ESR1: variants seen among roughly 807,000 people sequenced by gnomAD.
ESR1 encodes the protein estrogen receptor 1.
Under a neutral mutation model 52.7 loss-of-function variants are expected in ESR1, and 12 were observed. That is an observed-to-expected ratio of 0.23 (90% confidence interval 0.15 to 0.37). The LOEUF (loss-of-function observed/expected upper bound fraction) is 0.37, where lower values mean the gene tolerates loss of function less well. ESR1 is among the 10% of genes least tolerant of loss of function. The probability of loss-of-function intolerance (pLI) is 1.00; values close to 1 mark genes in which losing one functional copy is unlikely to be tolerated. For synonymous variants in ESR1, 305 were observed against 316.8 expected (o/e 0.96, Z 0.39); for missense variants, 584 against 779.7 (o/e 0.75, Z 2.99).
chr6:151,778,296 GAAT>G (rs371833817), intron 2 of ESR1, among the ~76,000 whole-genome samples: 13,199 of 152,110 alleles, frequency 0.087, 682 homozygotes, highest in African/African-American at 0.1. Flanking sequence ...GGATGATGAA[GAAT>G]TTCTGGAGAT....
At chr6:152,109,962 GA>G (rs2152513324) in intron 6 of ESR1, among the ~76,000 whole-genome samples, 1 of 152,308 alleles carries the variant, frequency 6.6e-6, no homozygotes, top group Non-Finnish European at 1.5e-5. Flanking sequence ...TTTCTACTGT[GA>G]GACAGCATAC....
At chr6:151,861,903 TAAC>T (rs1788966344) in intron 2 of ESR1, among the ~76,000 whole-genome samples, 1 of 152,168 alleles carries the variant, frequency 6.6e-6, no homozygotes, top group African/African-American at 2.4e-5. Flanking sequence ...AAATGTAGCC[TAAC>T]AAGTTATATG....
At chr6:151,729,906 A>C (rs2128038073) in intron 2 of ESR1, among the ~76,000 whole-genome samples, 1 of 152,238 alleles carries the variant, frequency 6.6e-6, no homozygotes, top group South Asian at 2.1e-4. Context: ...TGGGCAACAT[A>C]GTGAGACTTC....
chr6:152,114,270 G>C (rs564357703), intron 6 of ESR1, among the ~76,000 whole-genome samples: 1 of 152,174 alleles, frequency 6.6e-6, no homozygotes. Flanking sequence ...ATCATTTCTG[G>C]GGACCAGTCT....
rs1257316087 is a variant in ESR1, at chr6:152,125,333, GT to G, written c.921del (p.Pro308LeufsTer40). ...ATCCTAAAATATTTGGAAACAAGTG[GT>G]TTCCTCGTGTCTAAAGCCTCTGGTC... On this transcript the variant is annotated frameshift_variant, in exon 7 of 7. Transcript: ENST00000427531. LOFTEE classifies it high-confidence loss of function. The G allele has an allele frequency of 1.3e-6, 2 of 1,550,322 alleles. No homozygotes were observed. The highest frequency in any genetic ancestry group is 8.7e-7 in the Non-Finnish European group (1 of 1,146,840).
At chr6:152,058,545 A>C (rs1332869155) in intron 5 of ESR1, among the ~76,000 whole-genome samples, 1 of 152,206 alleles carries the variant, frequency 6.6e-6, no homozygotes, top group East Asian at 1.9e-4. Context: ...TTACATAAAA[A>C]ACCTCATTTC....
At chr6:151,915,529 A>G (rs1209180471) in intron 3 of ESR1, among the ~76,000 whole-genome samples, 1 of 152,208 alleles carries the variant, frequency 6.6e-6, no homozygotes, top group Non-Finnish European at 1.5e-5. Context: ...AATGACTTCT[A>G]GAAATGGATA....
chr6:151,914,498 A>G (rs1411106188), intron 3 of ESR1, among the ~76,000 whole-genome samples: 2 of 152,264 alleles, frequency 1.3e-5, no homozygotes, highest in African/African-American at 4.8e-5. Context: ...ATACCAAGAA[A>G]TAATAAGAAT....
chr6:151,997,691 A>C (rs2041612924), intron 4 of ESR1, among the ~76,000 whole-genome samples: 1 of 152,144 alleles, frequency 6.6e-6, no homozygotes, highest in Non-Finnish European at 1.5e-5. Flanking sequence ...CTCTTTCTTG[A>C]CATTGACTGT....
At chr6:152,118,721 G>A (rs2051239758) in intron 6 of ESR1, among the ~76,000 whole-genome samples, 1 of 152,066 alleles carries the variant, frequency 6.6e-6, no homozygotes, top group South Asian at 2.1e-4. Context: ...CATGGCACAT[G>A]TATACCTGTG....
chr6:152,106,349 G>C (rs187094772), downstream of ESR1, among the ~76,000 whole-genome samples: 315 of 152,238 alleles, frequency 2.1e-3, 3 homozygotes, highest in African/African-American at 7.3e-3. Context: ...GCCAATTCCA[G>C]TGTGCCTCAT....
intron 6 of ESR1, among the ~76,000 whole-genome samples, chr6:152,088,128 A>G (rs9322358): frequency 0.11 from 17,226 of 152,234 alleles, 1,220 homozygotes; most frequent in East Asian, 0.33. Flanking sequence ...CATCATATAA[A>G]GGAGAAATTA....
At chr6:151,672,084 C>T (rs978590538) in intron 1 of ESR1, among the ~76,000 whole-genome samples, 6 of 151,492 alleles carry the variant, frequency 4.0e-5, no homozygotes, top group South Asian at 2.1e-4. Flanking sequence ...CCTCCCACCT[C>T]GGCCTCCCAA....
intron 3 of ESR1, among the ~76,000 whole-genome samples, chr6:151,897,868 T>C (rs548140686): frequency 6.6e-5 from 10 of 152,372 alleles, no homozygotes; most frequent in African/African-American, 2.2e-4. Flanking sequence ...GCAGTTCGTG[T>C]AGTCATGTAG....
intron 6 of ESR1, among the ~76,000 whole-genome samples, chr6:152,121,431 A>G (rs985478630): frequency 2.0e-5 from 3 of 152,200 alleles, no homozygotes; most frequent in Non-Finnish European, 4.4e-5. Flanking sequence ...TGGAGAATAG[A>G]GGATGAAAGG....
rs9340801 is a variant in ESR1 at position 151,842,485 on chromosome 6, A to G, written c.453-112A>G. 5.1e-4 allele frequency: 505 copies of G among 983,868 alleles called. 11 individuals carry two copies. In the South Asian group the frequency reaches 6.7e-3, roughly 13 times the overall value. 60.9% of individuals were successfully genotyped at this position (983,868 alleles called of 1,614,324 possible). On this transcript the variant is annotated intron_variant, in intron 1 of 7. Coordinates refer to ENST00000206249, the MANE Select transcript of ESR1 (RefSeq NM_000125.4). ...AAGAGGTAATGAAAGATTAGCTTAC[A>G]TTATGATTCATTATTTCAAAATGTC...
At position 151,740,285 on chromosome 6, in the gene ESR1, A is replaced by ACTT. The variant is rs1782986982; in HGVS notation, c.-71+38280_-71+38281insCTT. 4.6e-5 allele frequency among the ~76,000 whole-genome samples: 5 copies of ACTT among 108,008 alleles called. No individual in the cohort carries two copies. In the Admixed American group the frequency reaches 5.4e-4, roughly 12 times the overall value. The allele number at this position is 108,008 out of a possible 152,430, so 70.9% of individuals were successfully genotyped here. A position where few individuals can be genotyped will look rare whatever the true frequency, so the allele number is the denominator to read the frequency against. ...AGGAGCGCACCACCATGCCTGGCTA[A>ACTT]TTTTTTTTTTTTTTTTTTTTTTGTA... On this transcript the variant is annotated intron_variant, in intron 2 of 2. Coordinates refer to the ESR1 transcript ENST00000404742.
Position 151,881,424 on chromosome 6 carries a change from C to T in ESR1, c.760+653C>T, listed in dbSNP as rs1792892454. On this transcript the variant is annotated intron_variant, in intron 3 of 7. Transcript: ENST00000206249. ...TGTGGCTGTGTGTGTGTGTGGTTTT[C>T]TGTCTTCTCATGTATCCGATCTTCC... Among the ~76,000 whole-genome samples, 3 of 152,168 alleles carry T rather than the reference C, an allele frequency of 2.0e-5. No individual in the cohort carries two copies. In the South Asian group the frequency reaches 6.2e-4, roughly 32 times the overall value.
At chr6:151,833,883 T>C (rs1456524889) in intron 1 of ESR1, among the ~76,000 whole-genome samples, 4 of 152,096 alleles carry the variant, frequency 2.6e-5, no homozygotes, top group Non-Finnish European at 5.9e-5. Context: ...TGGCTTGATG[T>C]TGGGGAGGGG....
Sources: gnomAD v4.1 joint callset for allele counts (sites outside exome capture counted in the v4.1 genomes callset) on GRCh38, gnomAD v4.1.1 for gene constraint, MANE v1.5 for transcripts, NCBI Gene and HGNC (gene_info 2026-07-23, HGNC 2026-07-21) for gene names.